Variants in DDAH1 observed in about 807,000 individuals in gnomAD.
DDAH1 encodes the protein N(G),N(G)-dimethylarginine dimethylaminohydrolase 1.
Under a neutral mutation model 28.8 loss-of-function variants are expected in DDAH1, and 19 were observed. That is an observed-to-expected ratio of 0.66 (90% CI 0.46 to 0.97). The LOEUF (loss-of-function observed/expected upper bound fraction) is 0.97, where lower values mean the gene tolerates loss of function less well. Ranked by LOEUF, DDAH1 falls within the 50% of genes least tolerant of loss-of-function variation. The probability of loss-of-function intolerance (pLI) is 0.00; values close to 1 mark genes in which losing one functional copy is unlikely to be tolerated. For synonymous variants in DDAH1, 153 were observed against 154.4 expected, an observed-to-expected ratio of 0.99 and a Z score of 0.07; for missense variants, 326 against 375.9, an observed-to-expected ratio of 0.87 and a Z score of 1.10.
intron 2 of DDAH1, among the ~76,000 whole-genome samples, 160 bp from the exon 3 acceptor site, chr1:85,351,739 C>A (rs1003689087): frequency 6.6e-5 from 10 of 152,000 alleles, no homozygotes; most frequent in African/African-American, 2.4e-4. Flanking sequence ...CAAACTACTG[C>A]CCTTAAGAAT....
intron 1 of DDAH1, among the ~76,000 whole-genome samples, chr1:85,504,300 G>T (rs1206809393): frequency 6.6e-6 from 1 of 152,176 alleles, no homozygotes; most frequent in Non-Finnish European, 1.5e-5. Context: ...TGGCCTCAAA[G>T]ACCTTTCTGT....
intron 1 of DDAH1, among the ~76,000 whole-genome samples, chr1:85,565,369 A>G (rs761675339): frequency 2.6e-5 from 4 of 152,204 alleles, no homozygotes; most frequent in Non-Finnish European, 5.9e-5. Flanking sequence ...TGAATATACA[A>G]ATGAGTGCAT....
Position 85,345,998 on chromosome 1 carries a change from T to C in DDAH1, c.597+4417A>G, listed in dbSNP as rs116746575. On this transcript the variant is annotated intron_variant, in intron 4 of 5. Coordinates refer to ENST00000284031, the MANE Select transcript of DDAH1 (RefSeq NM_012137.4). ...ACACACTATTAACTCTACTATAATC[T>C]CAAATGGCAAGATGATGATCTCCAT... 2.4e-3 allele frequency among the ~76,000 whole-genome samples: 362 copies of C among 152,296 alleles called. 1 individual carries two copies. The highest frequency in any genetic ancestry group is 4.4e-3 in the Non-Finnish European group (300 of 68,028).
rs972076964 is a variant in DDAH1, at chr1:85,464,621, G to A, written c.303+122C>T. ...ACACACACACACACACTCGCCCCCC[G>A]ACGGGAAGTTGTGAACTACTAGCCC... On this transcript the variant is annotated intron_variant, in intron 1 of 5. Coordinates refer to ENST00000284031, the MANE Select transcript of DDAH1 (RefSeq NM_012137.4). The surrounding 1 kb of genome is among the most constrained non-coding windows in gnomAD (Gnocchi z 4.4). The A allele has an allele frequency of 2.6e-5, 39 of 1,511,228 alleles. No individual in the cohort carries two copies. Among genetic ancestry groups the A allele is most frequent in the Admixed American group, 4.0e-5 (2 of 49,498 alleles). 93.6% of individuals were successfully genotyped at this position (1,511,228 alleles called of 1,614,324 possible). A position where few individuals can be genotyped will look rare whatever the true frequency, so the allele number is the denominator to read the frequency against.
chr1:85,355,001 T>C (rs977409561), intron 2 of DDAH1, among the ~76,000 whole-genome samples: 4 of 151,982 alleles, frequency 2.6e-5, no homozygotes, highest in African/African-American at 9.7e-5. Flanking sequence ...TTAGGAAAGA[T>C]TAATAAAATT....
chr1:85,465,916 A>C (rs1213261982), upstream of DDAH1, among the ~76,000 whole-genome samples: 1 of 152,234 alleles, frequency 6.6e-6, no homozygotes, highest in African/African-American at 2.4e-5. Context: ...TATCCGGAAA[A>C]TAAACAATTC....
intron 2 of DDAH1, among the ~76,000 whole-genome samples, chr1:85,492,768 G>A (rs1656450689): frequency 6.6e-6 from 1 of 152,134 alleles, no homozygotes. Flanking sequence ...GTAAGGCCAA[G>A]TCTATGTGTT....
At chr1:85,574,883 C>CTA (rs1453202684) in intron 1 of DDAH1, among the ~76,000 whole-genome samples, 4 of 151,842 alleles carry the variant, frequency 2.6e-5, no homozygotes, top group East Asian at 2.0e-4. Flanking sequence ...CCATCTCTCT[C>CTA]TCTCTCTCTA....
intron 1 of DDAH1, among the ~76,000 whole-genome samples, chr1:85,565,282 G>A (rs1659264102): frequency 6.6e-6 from 1 of 152,088 alleles, no homozygotes; most frequent in Non-Finnish European, 1.5e-5. Context: ...GAAGCAGCAG[G>A]GCTATAATGC....
chr1:85,500,203 T>C (rs1164227829), intron 1 of DDAH1, among the ~76,000 whole-genome samples: 1 of 150,418 alleles, frequency 6.6e-6, no homozygotes. Context: ...TTCCTTCCTT[T>C]CTTCCTTCCT....
intron 1 of DDAH1, among the ~76,000 whole-genome samples, chr1:85,382,271 T>C (rs1318275774): frequency 6.6e-6 from 1 of 152,220 alleles, no homozygotes; most frequent in African/African-American, 2.4e-5. Flanking sequence ...TTTAGTGGTC[T>C]GGATGGAAGA....
At position 85,425,846 on chromosome 1, in the gene DDAH1, T is replaced by C. The variant is rs1384316259; in HGVS notation, c.303+38897A>G. Reference sequence around the variant, plus strand: ...GCTGAGTGACTTTGGTTAAGGACAGTTACTTAATTATCCTGGGCCTCAGTT... The same window carrying C: ...GCTGAGTGACTTTGGTTAAGGACAGCTACTTAATTATCCTGGGCCTCAGTT... On this transcript the variant is annotated intron_variant, in intron 1 of 5. Coordinates refer to ENST00000284031, the MANE Select transcript of DDAH1 (RefSeq NM_012137.4). Among the ~76,000 whole-genome samples, 5 of 152,200 alleles carry C rather than the reference T, an allele frequency of 3.3e-5. No individual in the cohort carries two copies. The East Asian group carries it at 9.6e-4, about 29-fold the overall frequency.
chr1:85,524,823 C>T (rs112889203), intron 1 of DDAH1, among the ~76,000 whole-genome samples: 4,615 of 149,898 alleles, frequency 0.031, 173 homozygotes, highest in East Asian at 0.15. Flanking sequence ...AAGAAAAATG[C>T]CAGGGCTTCA....
At chr1:85,478,386 CA>C (rs1655876775) in intron 2 of DDAH1, among the ~76,000 whole-genome samples, 1 of 152,166 alleles carries the variant, frequency 6.6e-6, no homozygotes, top group Non-Finnish European at 1.5e-5. Context: ...GTAGTTTATA[CA>C]GGAAAGAAGT....
At chr1:85,499,401 G>A (rs763484500) in intron 1 of DDAH1, among the ~76,000 whole-genome samples, 2 of 152,134 alleles carry the variant, frequency 1.3e-5, no homozygotes, top group Non-Finnish European at 2.9e-5. Flanking sequence ...GAGGCCGGGT[G>A]CGGTGGCTGA....
chr1:85,326,128 T>C (rs1242330988), intron 4 of DDAH1, among the ~76,000 whole-genome samples: 1 of 152,102 alleles, frequency 6.6e-6, no homozygotes, highest in Non-Finnish European at 1.5e-5. Flanking sequence ...TTCCTAAGAG[T>C]GGCACATAGT....
chr1:85,497,160 A>G (rs1280372246), intron 1 of DDAH1, among the ~76,000 whole-genome samples: 1 of 152,234 alleles, frequency 6.6e-6, no homozygotes, highest in Non-Finnish European at 1.5e-5. Context: ...CTGGAAGGCC[A>G]GCCACAGGCC....
chr1:85,361,449 G>C (rs1360782626), intron 1 of DDAH1, among the ~76,000 whole-genome samples: 3 of 152,118 alleles, frequency 2.0e-5, no homozygotes, highest in African/African-American at 7.2e-5. Context: ...GTGGAACTTA[G>C]CATTACTCAG....
chr1:85,556,959 A>G (rs1249665953), intron 1 of DDAH1, among the ~76,000 whole-genome samples: 1 of 152,166 alleles, frequency 6.6e-6, no homozygotes, highest in Non-Finnish European at 1.5e-5. Flanking sequence ...TCTACTGAAA[A>G]CACAAAAATT....
Sources: allele counts gnomAD v4.1 joint callset (sites outside exome capture counted in the v4.1 genomes callset), GRCh38; gene constraint gnomAD v4.1.1; non-coding constraint Gnocchi (gnomAD v3.1); transcripts MANE v1.5; gene names NCBI Gene and HGNC (gene_info 2026-07-23, HGNC 2026-07-21).